The following TBC1D23 variants were observed in gnomAD, a reference collection of about 807,000 sequenced individuals.
TBC1D23 encodes HCV non-structural protein 4A-transactivated protein 1.
TBC1D23 carries 55 observed loss-of-function variants against 91.4 expected under a neutral mutation model. That is an observed-to-expected ratio of 0.60 (90% CI 0.48 to 0.75). The LOEUF (loss-of-function observed/expected upper bound fraction) is 0.75. Ranked by LOEUF, TBC1D23 falls within the 30% of genes least tolerant of loss-of-function variation. The pLI is 0.00. For synonymous variants in TBC1D23, 289 were observed against 281.0 expected, an observed-to-expected ratio of 1.03 and a Z score of -0.28; for missense variants, 725 against 836.1, an observed-to-expected ratio of 0.87 and a Z score of 1.64.
intron 4 of TBC1D23, among the ~76,000 whole-genome samples, chr3:100,288,905 T>C (rs2067766065): frequency 6.6e-6 from 1 of 152,214 alleles, no homozygotes; most frequent in Non-Finnish European, 1.5e-5. Context: ...TGTTTTTAAC[T>C]GTACGGGTTA....
At chr3:100,310,272 A>G in intron 13 of TBC1D23, 131 bp from the exon 14 acceptor site, 1 of 769,910 alleles carries the variant, frequency 1.3e-6, no homozygotes, top group Non-Finnish European at 2.1e-6. Context: ...TCTGAGATAT[A>G]CTGGGAGTTA....
At chr3:100,281,159 C>G (rs185235878) in intron 2 of TBC1D23, among the ~76,000 whole-genome samples, 4 of 152,112 alleles carry the variant, frequency 2.6e-5, no homozygotes, top group Admixed American at 1.3e-4. Flanking sequence ...GAAACTCAGT[C>G]TCAAAAAATA....
intron 5 of TBC1D23, among the ~76,000 whole-genome samples, chr3:100,294,732 C>G (rs1269416250): frequency 1.3e-5 from 2 of 152,128 alleles, no homozygotes; most frequent in Non-Finnish European, 2.9e-5. Flanking sequence ...TCTTATGGAG[C>G]TCAGACCATA....
chr3:100,279,830 G>C, intron 2 of TBC1D23, 70 bp downstream of exon 2: 1 of 966,292 alleles, frequency 1.0e-6, no homozygotes, highest in Non-Finnish European at 1.6e-6. Context: ...TGTTGCTTCA[G>C]ATGTCTTAGT....
intron 4 of TBC1D23, among the ~76,000 whole-genome samples, chr3:100,286,866 C>T (rs565650556): frequency 5.1e-4 from 77 of 152,112 alleles, no homozygotes; most frequent in Admixed American, 4.5e-3. Context: ...GCCAGGCTGG[C>T]GTGCAATGGC....
chr3:100,301,823 G>A, intron 10 of TBC1D23: 1 of 391,866 alleles, frequency 2.6e-6, no homozygotes. Flanking sequence ...TTTTTCTCTA[G>A]TAGAGAATTA....
At position 100,309,900 on chromosome 3, in the gene TBC1D23, C is replaced by T. The variant is rs181948834; in HGVS notation, c.1414-503C>T. ...CTGGGATTACAGGCGTGAGCCACCG[C>T]GCCCAGCATCTACCTTCTATTCTTA... On this transcript the variant is annotated intron_variant, in intron 13 of 18. Transcript: ENST00000394144. Among the ~76,000 whole-genome samples the T allele has an allele frequency of 2.6e-5, 4 of 152,214 alleles. No homozygotes were observed. The East Asian group carries it at 7.7e-4, about 29-fold the overall frequency.
chr3:100,303,086 G>A (rs529771370), intron 11 of TBC1D23, among the ~76,000 whole-genome samples: 4 of 152,206 alleles, frequency 2.6e-5, no homozygotes, highest in Non-Finnish European at 5.9e-5. Flanking sequence ...TATGCAACCT[G>A]TTTCTCTGCT....
intron 14 of TBC1D23, among the ~76,000 whole-genome samples, chr3:100,311,485 T>C (rs1705623566): frequency 6.6e-6 from 1 of 152,240 alleles, no homozygotes; most frequent in Non-Finnish European, 1.5e-5. Flanking sequence ...GACTTGTTTA[T>C]GCAGTAAAGT....
intron 1 of TBC1D23, among the ~76,000 whole-genome samples, chr3:100,268,500 G>T (rs2067575192): frequency 6.6e-6 from 1 of 152,106 alleles, no homozygotes; most frequent in Non-Finnish European, 1.5e-5. Flanking sequence ...CACTTCATTT[G>T]CTGTAGTTGT....
rs117893572 is a variant in TBC1D23, at chr3:100,275,616, G to C, written c.54-4033G>C. 3.5e-4 allele frequency among the ~76,000 whole-genome samples: 54 copies of C among 152,150 alleles called. No individual in the cohort carries two copies. The East Asian group carries it at 0.01, about 29-fold the overall frequency. ...TTTTGAGTGAGGTTTTAATAGACTT[G>C]ATCTTTAAATTCTTTCAGACCTCTT... On this transcript the variant is annotated intron_variant, in intron 1 of 18. Transcript: ENST00000394144.
chr3:100,265,671 A>G (rs891889278), intron 1 of TBC1D23, among the ~76,000 whole-genome samples: 16 of 152,190 alleles, frequency 1.1e-4, no homozygotes, highest in African/African-American at 3.9e-4. Flanking sequence ...ATTGACTTCA[A>G]TTATATAACT....
chr3:100,284,086 A>C, intron 4 of TBC1D23: 1 of 339,214 alleles, frequency 2.9e-6, no homozygotes, highest in Non-Finnish European at 5.4e-6. Context: ...CAAAATAGCA[A>C]ATAGGTGTGA....
chr3:100,316,319 G>A (rs1346214326), intron 16 of TBC1D23, 132 bp downstream of exon 16: 3 of 692,140 alleles, frequency 4.3e-6, no homozygotes, highest in Non-Finnish European at 2.5e-6. Context: ...AGAATCTGTG[G>A]CTTTCTATTA....
At chr3:100,262,858 A>G (rs2067524996) in intron 1 of TBC1D23, among the ~76,000 whole-genome samples, 1 of 152,168 alleles carries the variant, frequency 6.6e-6, no homozygotes, top group African/African-American at 2.4e-5. Context: ...CCAAGTCTTC[A>G]AAATCCAATG....
At chr3:100,272,589 GA>G (rs1323771622) in intron 1 of TBC1D23, among the ~76,000 whole-genome samples, 1 of 152,234 alleles carries the variant, frequency 6.6e-6, no homozygotes, top group Non-Finnish European at 1.5e-5. Context: ...AAAGTATAGA[GA>G]AAAAAATAAG....
At position 100,296,293 on chromosome 3, in the gene TBC1D23, A is replaced by AC. The variant is rs771718840; in HGVS notation, c.876+20dup. 6 of 1,360,848 alleles carry AC rather than the reference A, an allele frequency of 4.4e-6. No homozygotes were observed. In the Admixed American group the frequency reaches 1.2e-4, roughly 27 times the overall value. The allele number at this position is 1,360,848 out of a possible 1,614,324, so 84.3% of individuals were successfully genotyped here. Reference sequence around the variant, plus strand: ...TTAGGAAGGTATAAGACCAGAAATGACCAACTATGTTGTATTTCATATTTT... The same window carrying AC: ...TTAGGAAGGTATAAGACCAGAAATGACCCAACTATGTTGTATTTCATATTTT... On this transcript the variant is annotated intron_variant, in intron 8 of 18. Coordinates refer to ENST00000394144, the MANE Select transcript of TBC1D23 (RefSeq NM_001199198.3).
At chr3:100,319,655 G>A (rs769186962) in intron 17 of TBC1D23, among the ~76,000 whole-genome samples, 7 of 151,924 alleles carry the variant, frequency 4.6e-5, no homozygotes, top group Middle Eastern at 3.4e-3. Flanking sequence ...CTCGAACTCC[G>A]GACCTCAGGT....
chr3:100,300,252 A>C (rs1559809928), intron 10 of TBC1D23, among the ~76,000 whole-genome samples: 3 of 152,140 alleles, frequency 2.0e-5, no homozygotes, highest in Admixed American at 1.3e-4. Flanking sequence ...ATGGGATGAG[A>C]AACCTCTTAG....
Sources: allele counts gnomAD v4.1 joint callset (sites outside exome capture counted in the v4.1 genomes callset), GRCh38; gene constraint gnomAD v4.1.1; transcripts MANE v1.5; gene names NCBI Gene and HGNC (gene_info 2026-07-23, HGNC 2026-07-21).